Variants in NAALADL2 observed in about 807,000 individuals in gnomAD.
NAALADL2 encodes the protein N-acetylated alpha-linked acidic dipeptidase like 2.
NAALADL2 carries 76 observed loss-of-function variants against 87.2 expected under a neutral mutation model. The observed-to-expected ratio is 0.87, with a 90% CI of 0.72 to 1.05. NAALADL2 has a LOEUF of 1.05. Among genes scored for constraint, NAALADL2 ranks in the 50% least tolerant of loss-of-function variants. The probability of loss-of-function intolerance (pLI) is 0.00; values close to 1 mark genes in which losing one functional copy is unlikely to be tolerated. For synonymous variants in NAALADL2, 354 were observed against 331.0 expected (o/e 1.07, Z -0.75); for missense variants, 1,089 against 945.8 (o/e 1.15, Z -1.99).
intron 1 of NAALADL2, among the ~76,000 whole-genome samples, chr3:174,967,911 C>A (rs1418052249): frequency 6.7e-6 from 1 of 150,106 alleles, no homozygotes; most frequent in East Asian, 1.9e-4. Context: ...GACATACTGA[C>A]ATAAGAAACA....
In NAALADL2 at chr3:174,860,709, C is replaced by T. The variant is rs541251781; in HGVS notation, c.43+1259C>T. On this transcript the variant is annotated intron_variant, in intron 1 of 13. Transcript: ENST00000454872. ...GTCTGTATTCAGCGATCAAAATAAA[C>T]TAAGGAGTAACCAGGCCTCTTTCCA... 3.9e-5 allele frequency among the ~76,000 whole-genome samples: 6 copies of T among 152,202 alleles called. No homozygotes were observed. The South Asian group carries it at 6.2e-4, about 16-fold the overall frequency.
chr3:174,776,556 T>A (rs1208679105), intron 3 of NAALADL2, among the ~76,000 whole-genome samples: 1 of 152,172 alleles, frequency 6.6e-6, no homozygotes, highest in Non-Finnish European at 1.5e-5. Context: ...ATTAGGAAAC[T>A]AATCTGTACT....
chr3:174,630,618 A>G (rs1722016545), intron 2 of NAALADL2, among the ~76,000 whole-genome samples: 1 of 152,154 alleles, frequency 6.6e-6, no homozygotes, highest in East Asian at 1.9e-4. Context: ...CTTATTCCAA[A>G]TTTATTGGTA....
At chr3:175,317,517 T>A (rs1336460564) in intron 4 of NAALADL2, among the ~76,000 whole-genome samples, 2 of 151,912 alleles carry the variant, frequency 1.3e-5, no homozygotes, top group Non-Finnish European at 2.9e-5. Flanking sequence ...TATTTGGCCA[T>A]CCCGCTGGTA....
chr3:175,620,630 G>A (rs1186714001), intron 10 of NAALADL2, among the ~76,000 whole-genome samples: 3 of 152,184 alleles, frequency 2.0e-5, no homozygotes, highest in African/African-American at 7.2e-5. Context: ...GCGAGCAGGA[G>A]GGGGTGTGTT....
chr3:174,706,486 C>T (rs1730081141), intron 2 of NAALADL2, among the ~76,000 whole-genome samples: 2 of 152,162 alleles, frequency 1.3e-5, no homozygotes, highest in African/African-American at 4.8e-5. Flanking sequence ...ATTTTGTCCT[C>T]TAAAGAACAC....
At chr3:175,572,122 C>T (rs1718170808) in intron 9 of NAALADL2, among the ~76,000 whole-genome samples, 1 of 152,136 alleles carries the variant, frequency 6.6e-6, no homozygotes, top group African/African-American at 2.4e-5. Flanking sequence ...AAACAAGCTC[C>T]AGGAGTATTC....
chr3:175,147,857 G>C, intron 2 of NAALADL2, among the ~76,000 whole-genome samples: 1 of 151,946 alleles, frequency 6.6e-6, no homozygotes, highest in Non-Finnish European at 1.5e-5. Flanking sequence ...AAAGCCTGAG[G>C]TCAGGAGTTC....
At chr3:174,491,449 T>C (rs944285881) in intron 1 of NAALADL2, among the ~76,000 whole-genome samples, 2 of 152,218 alleles carry the variant, frequency 1.3e-5, no homozygotes, top group Non-Finnish European at 2.9e-5. Flanking sequence ...TCTTTGGAAG[T>C]ATTTTATATT....
intron 3 of NAALADL2, among the ~76,000 whole-genome samples, chr3:174,828,471 A>G (rs1722249213): frequency 1.3e-5 from 2 of 152,192 alleles, no homozygotes; most frequent in Non-Finnish European, 2.9e-5. Flanking sequence ...CAGTTGCTGT[A>G]TCATGGAGTA....
chr3:174,497,581 C>T (rs1054622518), intron 1 of NAALADL2, among the ~76,000 whole-genome samples: 4 of 152,076 alleles, frequency 2.6e-5, no homozygotes, highest in African/African-American at 2.4e-5. Flanking sequence ...AACACTTCTA[C>T]GTTTATCTAT....
At chr3:174,551,559 T>C (rs778146199) in intron 2 of NAALADL2, among the ~76,000 whole-genome samples, 5 of 152,228 alleles carry the variant, frequency 3.3e-5, no homozygotes, top group Non-Finnish European at 5.9e-5. Context: ...ACAAAAGTCA[T>C]GTGCTTCTTG....
intron 2 of NAALADL2, among the ~76,000 whole-genome samples, chr3:175,198,578 G>C (rs1000925273): frequency 9.2e-5 from 14 of 151,974 alleles, no homozygotes; most frequent in Non-Finnish European, 8.8e-5. Flanking sequence ...TTTTCACAAT[G>C]CTGGAGCTTC....
At chr3:174,834,790 T>C (rs1484737990) in intron 3 of NAALADL2, among the ~76,000 whole-genome samples, 1 of 151,774 alleles carries the variant, frequency 6.6e-6, no homozygotes, top group Admixed American at 6.6e-5. Context: ...AAATTGAGTA[T>C]ATAAATAAAT....
chr3:174,782,875 A>T (rs532400918), intron 3 of NAALADL2, among the ~76,000 whole-genome samples: 2 of 152,266 alleles, frequency 1.3e-5, no homozygotes, highest in East Asian at 1.9e-4. Context: ...GGTCACTCCA[A>T]TGACAGATGG....
chr3:174,449,953 ATG>A (rs1715360318), intron 1 of NAALADL2, among the ~76,000 whole-genome samples: 1 of 152,008 alleles, frequency 6.6e-6, no homozygotes, highest in Admixed American at 6.6e-5. Flanking sequence ...TTCATTGTAT[ATG>A]TCTTACCAAT....
chr3:175,577,648 C>A (rs1448465756), intron 10 of NAALADL2, among the ~76,000 whole-genome samples: 1 of 152,030 alleles, frequency 6.6e-6, no homozygotes, highest in East Asian at 1.9e-4. Context: ...TATCTAACTC[C>A]CACCATCAAA....
chr3:175,619,023 A>G (rs1283413164), intron 10 of NAALADL2, among the ~76,000 whole-genome samples: 1 of 152,092 alleles, frequency 6.6e-6, no homozygotes, highest in African/African-American at 2.4e-5. Context: ...AGGGCTTCAG[A>G]CTGAACCTTG....
intron 2 of NAALADL2, among the ~76,000 whole-genome samples, chr3:175,220,571 A>G (rs1743201001): frequency 6.6e-6 from 1 of 151,934 alleles, no homozygotes; most frequent in South Asian, 2.1e-4. Flanking sequence ...TAAGATGGAT[A>G]ATTTGTGCCT....
Sources: allele counts gnomAD v4.1 joint callset (sites outside exome capture counted in the v4.1 genomes callset), GRCh38; gene constraint gnomAD v4.1.1; transcripts MANE v1.5; gene names NCBI Gene and HGNC (gene_info 2026-07-23, HGNC 2026-07-21).